CCSER1: variants seen among roughly 807,000 people sequenced by gnomAD.
The protein encoded by CCSER1 is serine-rich coiled-coil domain-containing protein 1.
CCSER1 carries 41 observed loss-of-function variants against 82.0 expected under a neutral mutation model. That is an observed-to-expected ratio of 0.50 (90% CI 0.39 to 0.65). The LOEUF (loss-of-function observed/expected upper bound fraction) is 0.65, where lower values mean the gene tolerates loss of function less well. CCSER1 is among the 30% of genes least tolerant of loss of function. The probability of loss-of-function intolerance (pLI) is 0.00; values close to 1 mark genes in which losing one functional copy is unlikely to be tolerated. For missense variants in CCSER1, 1,119 were observed against 1,064.2 expected (o/e 1.05, Z -0.72); for synonymous variants, 414 against 383.9 (o/e 1.08, Z -0.92).
chr4:91,533,311 A>G (rs1016391879), intron 10 of CCSER1, among the ~76,000 whole-genome samples: 1 of 152,090 alleles, frequency 6.6e-6, no homozygotes, highest in African/African-American at 2.4e-5. Flanking sequence ...CAGTTACTAG[A>G]CTCTCAAACT....
intron 5 of CCSER1, among the ~76,000 whole-genome samples, chr4:90,521,215 T>C (rs1264894710): frequency 6.6e-6 from 1 of 152,178 alleles, no homozygotes; most frequent in Non-Finnish European, 1.5e-5. Context: ...AATGTATGCA[T>C]ATGCCAATAA....
intron 1 of CCSER1, among the ~76,000 whole-genome samples, chr4:90,258,336 C>A (rs1184502251): frequency 6.6e-6 from 1 of 152,080 alleles, no homozygotes; most frequent in Non-Finnish European, 1.5e-5. Flanking sequence ...AACATGGTAA[C>A]ACCCCGTTTC....
chr4:91,467,955 G>A (rs1757024706), intron 10 of CCSER1, among the ~76,000 whole-genome samples: 1 of 152,080 alleles, frequency 6.6e-6, no homozygotes. Context: ...GATTCCTCAG[G>A]GATCTAGAAC....
At chr4:91,434,867 A>G (rs1754551313) in intron 10 of CCSER1, among the ~76,000 whole-genome samples, 1 of 152,202 alleles carries the variant, frequency 6.6e-6, no homozygotes, top group African/African-American at 2.4e-5. Context: ...ACATAGTCCA[A>G]TGATGATGAC....
At chr4:90,932,986 A>AGAGAGAGAGAGAGAG (rs1561385193) in intron 9 of CCSER1, among the ~76,000 whole-genome samples, 1 of 29,164 alleles carries the variant, frequency 3.4e-5, no homozygotes, top group Non-Finnish European at 6.7e-5. Flanking sequence ...AAGAAAGAGA[A>AGAGAGAGAGAGAGAG]AGAAAGAAAG....
chr4:91,065,895 C>T (rs1013036484), intron 9 of CCSER1, among the ~76,000 whole-genome samples: 2 of 152,030 alleles, frequency 1.3e-5, no homozygotes, highest in African/African-American at 4.8e-5. Flanking sequence ...TAGGAAAACA[C>T]TGATTCAATA....
At chr4:90,756,232 A>T (rs1322524422) in intron 7 of CCSER1, among the ~76,000 whole-genome samples, 1 of 152,182 alleles carries the variant, frequency 6.6e-6, no homozygotes, top group South Asian at 2.1e-4. Flanking sequence ...TGTCTCAAAA[A>T]AACAAATTAA....
chr4:91,578,239 T>C (rs763869720), intron 10 of CCSER1, among the ~76,000 whole-genome samples: 5 of 152,154 alleles, frequency 3.3e-5, no homozygotes, highest in South Asian at 2.1e-4. Context: ...AGGTAGTATA[T>C]ATGTATATGT....
chr4:90,133,686 C>T (rs1723182483), intron 1 of CCSER1, among the ~76,000 whole-genome samples: 1 of 152,162 alleles, frequency 6.6e-6, no homozygotes, highest in African/African-American at 2.4e-5. Context: ...TCATCACTTC[C>T]CTAGGGATAC....
intron 10 of CCSER1, among the ~76,000 whole-genome samples, chr4:91,238,736 A>C (rs1560536567): frequency 6.6e-6 from 1 of 152,188 alleles, no homozygotes; most frequent in Non-Finnish European, 1.5e-5. Flanking sequence ...GCCATTTCAA[A>C]AGCTGGTGAT....
intron 10 of CCSER1, among the ~76,000 whole-genome samples, chr4:91,557,999 AT>A (rs1762481944): frequency 6.6e-6 from 1 of 151,218 alleles, no homozygotes; most frequent in South Asian, 2.1e-4. Flanking sequence ...TTAAAATACA[AT>A]TAATAGTACT....
chr4:91,411,455 C>G lies in CCSER1; in HGVS notation c.2218-187117C>G, dbSNP rs1345415741. ...GATACCACCTTCCAGATAAAACTAT[C>G]TGGAAGTAATTAATCACTAAATTTC... is the stretch of plus-strand genomic sequence containing the variant. On this transcript the variant is annotated intron_variant, in intron 10 of 10. Transcript: ENST00000509176. Among the ~76,000 whole-genome samples, 29 of 121,736 alleles carry G rather than the reference C, an allele frequency of 2.4e-4. No homozygotes were observed. The Admixed American group carries it at 2.7e-3, about 11-fold the overall frequency. The allele number at this position is 121,736 out of a possible 152,430, so 79.9% of individuals were successfully genotyped here.
chr4:91,496,740 AATATATATTTGAATAT>A lies in CCSER1; in HGVS notation c.2218-101822_2218-101807del, dbSNP rs1221220245. ...ATATATAGAATATATATATATATTG[AATATATATTTGAATAT>A]ATATATATTCAATATATATTGAATA... On this transcript the variant is annotated intron_variant, in intron 10 of 10. Coordinates refer to ENST00000509176, the MANE Select transcript of CCSER1 (RefSeq NM_001145065.2). Among the ~76,000 whole-genome samples the A allele has an allele frequency of 1.3e-4, 8 of 59,720 alleles. 1 individual carries two copies. Among genetic ancestry groups the A allele is most frequent in the African/African-American group, 3.0e-4 (6 of 20,094 alleles). The allele number at this position is 59,720 out of a possible 152,430, so 39.2% of individuals were successfully genotyped here. A position where few individuals can be genotyped will look rare whatever the true frequency, so the allele number is the denominator to read the frequency against.
chr4:91,468,379 G>A (rs1757058077), intron 10 of CCSER1, among the ~76,000 whole-genome samples: 1 of 152,048 alleles, frequency 6.6e-6, no homozygotes, highest in African/African-American at 2.4e-5. Flanking sequence ...GAGAGGGATA[G>A]CATTAGGAGA....
chr4:91,179,992 T>A (rs748439198), intron 10 of CCSER1, among the ~76,000 whole-genome samples: 24 of 152,228 alleles, frequency 1.6e-4, no homozygotes, highest in Non-Finnish European at 2.9e-4. Flanking sequence ...GGTTTTGGTG[T>A]GGATGTCCTT....
At chr4:91,553,857 AC>A (rs66483575) in intron 10 of CCSER1, among the ~76,000 whole-genome samples, 10 of 128,332 alleles carry the variant, frequency 7.8e-5, no homozygotes, top group Non-Finnish European at 1.2e-4. Flanking sequence ...TTTAAAAAAA[AC>A]CAATATATTT....
chr4:90,955,301 A>G (rs1234619119), intron 9 of CCSER1, among the ~76,000 whole-genome samples: 4 of 152,152 alleles, frequency 2.6e-5, no homozygotes, highest in Non-Finnish European at 5.9e-5. Flanking sequence ...GGAGTGCTAC[A>G]CTTGTGTTGG....
intron 10 of CCSER1, among the ~76,000 whole-genome samples, chr4:91,512,220 G>A (rs1322960226): frequency 6.6e-6 from 1 of 152,120 alleles, no homozygotes; most frequent in Admixed American, 6.6e-5. Context: ...TCAGCGCACT[G>A]GGAGACACAG....
chr4:91,391,723 A>G (rs1266955419), intron 10 of CCSER1, among the ~76,000 whole-genome samples: 1 of 152,118 alleles, frequency 6.6e-6, no homozygotes, highest in African/African-American at 2.4e-5. Context: ...TGTAATATAT[A>G]TTCTTTTAAA....
Sources: allele counts gnomAD v4.1 joint callset (sites outside exome capture counted in the v4.1 genomes callset), GRCh38; gene constraint gnomAD v4.1.1; transcripts MANE v1.5; gene names NCBI Gene and HGNC (gene_info 2026-07-23, HGNC 2026-07-21).